Variants in AKAP12 observed in about 807,000 individuals in gnomAD.
AKAP12 encodes A-kinase anchor protein 12.
In AKAP12, 32 loss-of-function variants were observed where a neutral mutation model predicts 79.9. The ratio of observed to expected loss-of-function variants is 0.40; its 90% confidence interval spans 0.30 to 0.54. The LOEUF (loss-of-function observed/expected upper bound fraction) is 0.54, where lower values mean the gene tolerates loss of function less well. Ranked by LOEUF, AKAP12 falls within the 20% of genes least tolerant of loss-of-function variation. The probability of loss-of-function intolerance (pLI) is 0.48; values close to 1 mark genes in which losing one functional copy is unlikely to be tolerated. For synonymous variants in AKAP12, 808 were observed against 857.0 expected (o/e 0.94, Z 1.00); for missense variants, 2,074 against 2,177.0 (o/e 0.95, Z 0.94).
At chr6:151,250,437 T>A (rs988926978) in intron 2 of AKAP12, among the ~76,000 whole-genome samples, 5 of 151,216 alleles carry the variant, frequency 3.3e-5, no homozygotes, top group Non-Finnish European at 7.4e-5. Flanking sequence ...AGGCGGAGCT[T>A]GCAGTGAAGC....
chr6:151,309,289 A>T (rs1202867169), intron 3 of AKAP12, among the ~76,000 whole-genome samples: 1 of 152,180 alleles, frequency 6.6e-6, no homozygotes, highest in Non-Finnish European at 1.5e-5. Flanking sequence ...AGGATTTGGG[A>T]CACCTTTGTT....
Position 151,350,258 on chromosome 6 carries a change from G to A in AKAP12, c.1867G>A (p.Val623Ile). 6.2e-7 allele frequency: 1 copy of A among 1,614,062 alleles called. No homozygotes were observed. ...AAAGATGGTGACGCCCAAGAAGCGT[G>A]TTAGACGGCCTTCGGAAAGTGATAA... The part of the protein sequence containing the change: ...FKKMVTPKKR[V>I]RRPSESDKED... Residue 623 changes from valine to isoleucine, a missense_variant, in exon 4 of 5, where the codon GTT (valine) becomes ATT (isoleucine). This residue lies in a region of AKAP12 where 1,428 missense variants were observed against 1,451.0 expected (regional missense o/e 0.98). Coordinates refer to ENST00000402676, the MANE Select transcript of AKAP12 (RefSeq NM_005100.4). This position sits in a 1 kb window ranked among gnomAD's most constrained non-coding sequence, Gnocchi z 4.8.
At position 151,351,869 on chromosome 6, in the gene AKAP12, C is replaced by A. The variant is rs367724826; in HGVS notation, c.3478C>A (p.Pro1160Thr). The change falls in exon 4 of 5, where the codon CCT becomes ACT. Residue 1160 changes from proline (P) to threonine (T), a missense_variant. Around this residue, in one of 3 missense-constraint regions of AKAP12, gnomAD observed 1,428 missense variants for 1,451.0 expected, o/e 0.98. Coordinates refer to ENST00000402676, the MANE Select transcript of AKAP12 (RefSeq NM_005100.4). The surrounding 1 kb of genome is among the most constrained non-coding windows in gnomAD (Gnocchi z 4.4). Reference sequence around the variant, plus strand: ...GATGGTGATGGAACAGGCTATCCCCCCTGACTCGGTGGAAACCCCTACAGA... The same window carrying A: ...GATGGTGATGGAACAGGCTATCCCCACTGACTCGGTGGAAACCCCTACAGA... ...QEMVMEQAIPPDSVETPTDSE... is the reference protein window; with the variant it reads ...QEMVMEQAIPTDSVETPTDSE... 14 of 1,614,028 alleles carry A rather than the reference C, an allele frequency of 8.7e-6. No homozygotes were observed. Among genetic ancestry groups the A allele is most frequent in the South Asian group, 5.5e-5 (5 of 91,068 alleles).
At chr6:151,313,424 G>A (rs1387934564) in intron 3 of AKAP12, among the ~76,000 whole-genome samples, 1 of 152,176 alleles carries the variant, frequency 6.6e-6, no homozygotes, top group East Asian at 1.9e-4. Context: ...CTTGAACTTA[G>A]GTAAAAGTAC....
At chr6:151,248,382 C>T (rs1394757754) in intron 2 of AKAP12, among the ~76,000 whole-genome samples, 1 of 151,852 alleles carries the variant, frequency 6.6e-6, no homozygotes, top group South Asian at 2.1e-4. Flanking sequence ...AGACTACCAG[C>T]TCCTGCCACT....
chr6:151,269,358 A>G (rs1425234959), intron 2 of AKAP12, among the ~76,000 whole-genome samples: 5 of 151,990 alleles, frequency 3.3e-5, no homozygotes. Flanking sequence ...AGCATTTTAG[A>G]CTTGTTTGTC....
rs149275104 is a variant in AKAP12, at chr6:151,351,047, G to A, written c.2656G>A (p.Glu886Lys). 6.8e-6 allele frequency: 11 copies of A among 1,614,060 alleles called. No homozygotes were observed. Among genetic ancestry groups the A allele is most frequent in the South Asian group, 1.1e-5 (1 of 91,086 alleles). ...CACTGAGGTGTCCAAGGAGCTCAGC[G>A]AGAGTCAGGTTCATATGATGGCAGC... ...AATEVSKELS[E>K]SQVHMMAAAV... The change falls in exon 4 of 5, where the codon GAG (glutamate) becomes AAG (lysine). Residue 886 changes from glutamate (E) to lysine (K), a missense_variant. Glu to Lys is a moderately conservative substitution (Grantham distance 56, BLOSUM62 1). Transcript: ENST00000402676. The surrounding 1 kb of genome is among the most constrained non-coding windows in gnomAD (Gnocchi z 4.4).
chr6:151,244,830 G>A (rs1040819079), intron 2 of AKAP12, among the ~76,000 whole-genome samples: 4 of 152,212 alleles, frequency 2.6e-5, no homozygotes, highest in Non-Finnish European at 5.9e-5. Context: ...TGGAGATATG[G>A]ATGTGGGGAT....
intron 2 of AKAP12, among the ~76,000 whole-genome samples, chr6:151,262,065 T>A (rs961825826): frequency 6.6e-6 from 1 of 152,116 alleles, no homozygotes; most frequent in Non-Finnish European, 1.5e-5. Context: ...TTCTCCTTCC[T>A]CAGCCTCCCG....
chr6:151,326,489 TAAAAAAA>T (rs746340831), intron 3 of AKAP12, among the ~76,000 whole-genome samples: 2 of 80,318 alleles, frequency 2.5e-5, no homozygotes, highest in South Asian at 7.6e-4. Flanking sequence ...CAACAAATAG[TAAAAAAA>T]AAAAAAAAAA....
Position 151,352,258 on chromosome 6 carries a change from C to T in AKAP12, c.3867C>T (p.Asp1289=), listed in dbSNP as rs913955410. The T allele has an allele frequency of 6.2e-6, 10 of 1,614,064 alleles. No homozygotes were observed. In the African/African-American group the frequency reaches 1.1e-4, roughly 17 times the overall value. ...TCGAAGGACTTGAGGGGTCTATAGA[C>T]ACAGGCATAACAGTCAGTCGGGAAA... is the stretch of plus-strand genomic sequence containing the variant. The part of the protein sequence containing the change: ...PFFEGLEGSI[D]TGITVSREKV... Residue 1289 remains aspartate (D), a synonymous_variant, in exon 4 of 5, where the codon GAC becomes GAT. Coordinates refer to ENST00000402676, the MANE Select transcript of AKAP12 (RefSeq NM_005100.4).
intron 2 of AKAP12, among the ~76,000 whole-genome samples, chr6:151,259,480 A>T (rs1247222718): frequency 6.8e-5 from 6 of 87,990 alleles, no homozygotes; most frequent in Non-Finnish European, 1.3e-4. Context: ...GTATATATAT[A>T]TATACACACA....
intron 2 of AKAP12, among the ~76,000 whole-genome samples, chr6:151,241,631 C>T (rs1004095576): frequency 6.6e-6 from 1 of 152,108 alleles, no homozygotes; most frequent in African/African-American, 2.4e-5. Context: ...TATTTTAGAT[C>T]TATTTTCCAG....
At chr6:151,289,722 T>C (rs1776575059) in intron 2 of AKAP12, among the ~76,000 whole-genome samples, 1 of 152,222 alleles carries the variant, frequency 6.6e-6, no homozygotes, top group African/African-American at 2.4e-5. Flanking sequence ...ATCAATACAT[T>C]CTAGGCTGGC....
rs761711528 is a variant in AKAP12 at position 151,350,271 on chromosome 6, C to T, written c.1880C>T (p.Ser627Leu). 2.7e-5 allele frequency: 43 copies of T among 1,613,696 alleles called. No homozygotes were observed. The highest frequency in any genetic ancestry group is 6.7e-5 in the East Asian group (3 of 44,868). ...VTPKKRVRRP[S>L]ESDKEDELDK... ...CCCAAGAAGCGTGTTAGACGGCCTT[C>T]GGAAAGTGATAAAGAAGATGAGCTG... Residue 627 changes from serine to leucine, a missense_variant, in exon 4 of 5, where the codon TCG (serine) becomes TTG (leucine). Around this residue, in one of 3 missense-constraint regions of AKAP12, gnomAD observed 1,428 missense variants for 1,451.0 expected, o/e 0.98. Coordinates refer to ENST00000402676, the MANE Select transcript of AKAP12 (RefSeq NM_005100.4). This position sits in a 1 kb window ranked among gnomAD's most constrained non-coding sequence, Gnocchi z 4.8.
chr6:151,307,534 T>G (rs1777001200), intron 3 of AKAP12, among the ~76,000 whole-genome samples: 1 of 152,182 alleles, frequency 6.6e-6, no homozygotes, highest in Non-Finnish European at 1.5e-5. Flanking sequence ...GGAGGCTTCT[T>G]GTCTGACTTA....
chr6:151,263,373 G>T (rs1027444698), intron 2 of AKAP12, among the ~76,000 whole-genome samples: 11 of 152,070 alleles, frequency 7.2e-5, no homozygotes, highest in African/African-American at 2.7e-4. Context: ...GATTTTGTGA[G>T]AGTCTAGGTA....
chr6:151,346,877 C>T (rs1778114213), intron 3 of AKAP12, among the ~76,000 whole-genome samples: 1 of 152,186 alleles, frequency 6.6e-6, no homozygotes, highest in Non-Finnish European at 1.5e-5. Flanking sequence ...GAAGTTATAT[C>T]TATATTTATT....
At chr6:151,264,145 A>G (rs534267356) in intron 2 of AKAP12, among the ~76,000 whole-genome samples, 1 of 152,248 alleles carries the variant, frequency 6.6e-6, no homozygotes, top group Non-Finnish European at 1.5e-5. Context: ...AATGGAGAAC[A>G]TCCGCTTGGC....
Sources: allele counts gnomAD v4.1 joint callset (sites outside exome capture counted in the v4.1 genomes callset), GRCh38; gene constraint gnomAD v4.1.1; regional missense constraint gnomAD v4.1.1; non-coding constraint Gnocchi (gnomAD v3.1); transcripts MANE v1.5; gene names NCBI Gene and HGNC (gene_info 2026-07-23, HGNC 2026-07-21).